Variants in SLC4A7 observed in about 807,000 individuals in gnomAD.
SLC4A7 encodes sodium bicarbonate cotransporter 3.
Under a neutral mutation model 137.6 loss-of-function variants are expected in SLC4A7, and 51 were observed. The observed-to-expected ratio is 0.37, with a 90% confidence interval of 0.30 to 0.47. The LOEUF (loss-of-function observed/expected upper bound fraction) is 0.47. Among genes scored for constraint, SLC4A7 ranks in the 20% least tolerant of loss-of-function variants. The pLI is 1.00. For synonymous variants in SLC4A7, 542 were observed against 518.6 expected (o/e 1.05, Z -0.61); for missense variants, 1,247 against 1,525.4 (o/e 0.82, Z 3.04).
chr3:27,459,456 G>A (rs912338741), intron 1 of SLC4A7, among the ~76,000 whole-genome samples: 2 of 151,932 alleles, frequency 1.3e-5, no homozygotes, highest in African/African-American at 4.8e-5. Flanking sequence ...TAACCAATAG[G>A]CTTTCGTTTG....
Position 27,404,823 on chromosome 3 carries a change from T to C in SLC4A7, c.2075+7A>G, listed in dbSNP as rs1402792015. On this transcript the variant is annotated splice_region_variant and intron_variant, in intron 14 of 25. Coordinates refer to ENST00000454389, the MANE Select transcript of SLC4A7 (RefSeq NM_001321103.2). ...ACATGTGATAAGTAGAGAGGGCTAT[T>C]ACTTACCTGCAGAATTTATATAAAA... 6.3e-7 allele frequency: 1 copy of C among 1,593,160 alleles called. No homozygotes were observed. Among genetic ancestry groups the C allele is most frequent in the Admixed American group, 1.8e-5 (1 of 56,034 alleles).
At chr3:27,450,648 T>C (rs2058013392) in intron 2 of SLC4A7, among the ~76,000 whole-genome samples, 1 of 152,056 alleles carries the variant, frequency 6.6e-6, no homozygotes, top group Non-Finnish European at 1.5e-5. Context: ...ATGCTATGAG[T>C]GTGCAGTTTA....
Position 27,385,957 on chromosome 3 carries a change from G to A in SLC4A7, c.3427C>T (p.Leu1143Phe). Reference sequence around the variant, plus strand: ...TTACTTTCTGGCATAAGATCATCAAGCCAACTAAGTTCTCTCTTCGTGAAA... The same window carrying A: ...TTACTTTCTGGCATAAGATCATCAAACCAACTAAGTTCTCTCTTCGTGAAA... ...LCFTKRELSW[L>F]DDLMPESKKK... Residue 1143 changes from leucine to phenylalanine, a missense_variant, in exon 23 of 26, where the codon CTT (leucine) becomes TTT (phenylalanine). Physicochemically the swap from Leu to Phe is conservative, Grantham distance 22 (BLOSUM62 0). Transcript: ENST00000454389. 6.2e-7 allele frequency: 1 copy of A among 1,604,178 alleles called. No homozygotes were observed. The highest frequency in any genetic ancestry group is 8.5e-7 in the Non-Finnish European group (1 of 1,172,808).
chr3:27,415,872 C>G (rs1414278468), intron 11 of SLC4A7, among the ~76,000 whole-genome samples: 1 of 152,218 alleles, frequency 6.6e-6, no homozygotes, highest in Non-Finnish European at 1.5e-5. Context: ...CAAAAGTGTT[C>G]ATGCCTGCTG....
At chr3:27,433,256 C>G (rs1412742181) in intron 6 of SLC4A7, 3 of 152,490 alleles carry the variant, frequency 2.0e-5, no homozygotes, top group Non-Finnish European at 4.4e-5. Context: ...ATAAGCCACT[C>G]TGATCCTTTG....
At chr3:27,402,822 T>C (rs113740075) in intron 15 of SLC4A7, among the ~76,000 whole-genome samples, 1,622 of 152,052 alleles carry the variant, frequency 0.011, 10 homozygotes, top group South Asian at 0.02. Context: ...AATGTAATAA[T>C]TGCCTGATTC....
intron 1 of SLC4A7, among the ~76,000 whole-genome samples, chr3:27,465,284 C>G (rs1363818691): frequency 1.6e-5 from 2 of 123,714 alleles, no homozygotes; most frequent in Non-Finnish European, 3.4e-5. Flanking sequence ...AGCAAGACTC[C>G]GTCTCAAAAA....
intron 23 of SLC4A7, 35 bp downstream of exon 23, chr3:27,385,857 G>A (rs757111717): frequency 5.1e-6 from 7 of 1,383,086 alleles, no homozygotes; most frequent in Non-Finnish European, 6.0e-6. Flanking sequence ...ATTAAATAAG[G>A]AAGTGGTGTA....
In SLC4A7 at chr3:27,431,478, T is replaced by C. The variant is rs1320438515; in HGVS notation, c.970A>G (p.Ser324Gly). 3 of 1,613,966 alleles carry C rather than the reference T, an allele frequency of 1.9e-6. No homozygotes were observed. The highest frequency in any genetic ancestry group is 1.7e-5 in the Admixed American group (1 of 59,992). The part of the protein sequence containing the change: ...TPQNSPPSSP[S>G]ISRLTSRSSQ... Reference sequence around the variant, plus strand: ...CTTCTGGAGGTCAGGCGGCTGATGCTAGGGCTAGAAGGAGGACTGTTTTGA... The same window carrying C: ...CTTCTGGAGGTCAGGCGGCTGATGCCAGGGCTAGAAGGAGGACTGTTTTGA... The change falls in exon 7 of 26, where the codon AGC (serine) becomes GGC (glycine). Residue 324 changes from serine (S) to glycine (G), a missense_variant. This residue lies in a region of SLC4A7 where 223 missense variants were observed against 203.6 expected (regional missense o/e 1.10). Coordinates refer to ENST00000454389, the MANE Select transcript of SLC4A7 (RefSeq NM_001321103.2).
rs199664626 is a variant in SLC4A7 at position 27,470,226 on chromosome 3, C to CT, written c.60+13840dup. Among the ~76,000 whole-genome samples, 844 of 142,586 alleles carry CT rather than the reference C, an allele frequency of 5.9e-3. 8 individuals are homozygous for CT. The highest frequency in any genetic ancestry group is 0.035 in the South Asian group (155 of 4,492). The allele number at this position is 142,586 out of a possible 152,430, so 93.5% of individuals were successfully genotyped here. A position where few individuals can be genotyped will look rare whatever the true frequency, so the allele number is the denominator to read the frequency against. ...ACAGTCTTGCTAGCTAATTGTAGATCTTTTTTTTTTTTTGCTCATGAGCTT... is the reference window on the plus strand; with the variant it reads ...ACAGTCTTGCTAGCTAATTGTAGATCTTTTTTTTTTTTTTGCTCATGAGCTT... On this transcript the variant is annotated intron_variant, in intron 1 of 25. Transcript: ENST00000454389.
chr3:27,383,594 G>A (rs2150031196), intron 23 of SLC4A7, among the ~76,000 whole-genome samples: 1 of 152,242 alleles, frequency 6.6e-6, no homozygotes, highest in East Asian at 1.9e-4. Flanking sequence ...AATACAATAT[G>A]GGCAGAATGT....
chr3:27,428,572 G>A (rs2055902757), intron 7 of SLC4A7, among the ~76,000 whole-genome samples: 1 of 152,182 alleles, frequency 6.6e-6, no homozygotes, highest in Non-Finnish European at 1.5e-5. Flanking sequence ...AATAGAAAGA[G>A]AGGTTTACTT....
chr3:27,478,539 C>T (rs1435757203), intron 1 of SLC4A7, among the ~76,000 whole-genome samples: 1 of 143,030 alleles, frequency 7.0e-6, no homozygotes, highest in African/African-American at 2.6e-5. Context: ...AACCCAACAA[C>T]ATTAAAGCAT....
chr3:27,399,134 A>T (rs2052499344), intron 16 of SLC4A7, among the ~76,000 whole-genome samples: 1 of 152,176 alleles, frequency 6.6e-6, no homozygotes, highest in Admixed American at 6.5e-5. Flanking sequence ...TACCCAAAGA[A>T]AAATAGTTAA....
rs774335820 is a variant in SLC4A7 at position 27,431,653 on chromosome 3, G to A, written c.795C>T (p.Ala265=). Residue 265 remains alanine (A), a synonymous_variant, in exon 7 of 26, where the codon GCC becomes GCT. Coordinates refer to ENST00000454389, the MANE Select transcript of SLC4A7 (RefSeq NM_001321103.2). ...LLERNGEGLS[A]SRHSLRTGLS... ...GACCTGTTCGCAAAGAGTGGCGGGA[G>A]GCTGAAAGGCCTTCCCCTGAGATAA... 4 of 1,572,444 alleles carry A rather than the reference G, an allele frequency of 2.5e-6. No homozygotes were observed. Among genetic ancestry groups the A allele is most frequent in the Admixed American group, 1.9e-5 (1 of 53,032 alleles).
chr3:27,479,549 A>C (rs1030340449), intron 1 of SLC4A7, among the ~76,000 whole-genome samples: 1 of 152,216 alleles, frequency 6.6e-6, no homozygotes, highest in Non-Finnish European at 1.5e-5. Context: ...CCTCTGCCTT[A>C]AGGAAGATTG....
At chr3:27,482,200 A>T (rs560218973) in intron 1 of SLC4A7, among the ~76,000 whole-genome samples, 89 of 152,316 alleles carry the variant, frequency 5.8e-4, no homozygotes, top group African/African-American at 2.1e-3. Flanking sequence ...TAAATAGTGT[A>T]AATAATAGTT....
chr3:27,483,022 A>C (rs1280114904), intron 1 of SLC4A7, among the ~76,000 whole-genome samples: 1 of 152,248 alleles, frequency 6.6e-6, no homozygotes, highest in East Asian at 1.9e-4. Context: ...TCTTGAATAA[A>C]AACATAGGAG....
At chr3:27,376,920 T>C (rs928164409) in intron 25 of SLC4A7, 75 bp from the exon 26 acceptor site, 3 of 647,016 alleles carry the variant, frequency 4.6e-6, no homozygotes, top group Non-Finnish European at 4.7e-6. Flanking sequence ...TAACAATGAG[T>C]ATACTAAACC....
Sources: gnomAD v4.1 joint callset for allele counts (sites outside exome capture counted in the v4.1 genomes callset) on GRCh38, gnomAD v4.1.1 for gene constraint, gnomAD v4.1.1 regional missense constraint, MANE v1.5 for transcripts, NCBI Gene and HGNC (gene_info 2026-07-23, HGNC 2026-07-21) for gene names.